The following EPHA3 variants were observed in gnomAD, a reference collection of about 807,000 sequenced individuals.
EPHA3 encodes EPH receptor A3, also known as ephrin type-A receptor 3.
Under a neutral mutation model 107.1 loss-of-function variants are expected in EPHA3, and 42 were observed. That is an observed-to-expected ratio of 0.39 (90% CI 0.31 to 0.51). The LOEUF is 0.51. EPHA3 is among the 20% of genes least tolerant of loss of function. EPHA3 has a pLI of 0.78. For synonymous variants in EPHA3, 461 were observed against 424.8 expected (o/e 1.09, Z -1.05); for missense variants, 1,183 against 1,211.2 (o/e 0.98, Z 0.35).
At chr3:89,472,793 C>G (rs1212480532) in intron 16 of EPHA3, among the ~76,000 whole-genome samples, 174 bp downstream of exon 16, 1 of 152,160 alleles carries the variant, frequency 6.6e-6, no homozygotes, top group Admixed American at 6.5e-5. Flanking sequence ...TTGTGGCCCA[C>G]AGCTTCTGGA....
chr3:89,303,115 T>C (rs1361707704), intron 3 of EPHA3, among the ~76,000 whole-genome samples: 1 of 152,078 alleles, frequency 6.6e-6, no homozygotes, highest in East Asian at 1.9e-4. Context: ...ATGTTGGTCT[T>C]GAGCTCCTAG....
intron 9 of EPHA3, among the ~76,000 whole-genome samples, chr3:89,411,857 G>T (rs543123522): frequency 1.3e-5 from 2 of 151,922 alleles, no homozygotes; most frequent in Non-Finnish European, 2.9e-5. Context: ...GTGTTCAATT[G>T]CAACTTTCCC....
At chr3:89,399,838 C>G in intron 7 of EPHA3, 1 of 1,088,588 alleles carries the variant, frequency 9.2e-7, no homozygotes, top group Non-Finnish European at 1.1e-6. Flanking sequence ...TTCAATGAAC[C>G]ACAAAAAAGA....
At chr3:89,168,755 G>A (rs1440396259) in intron 2 of EPHA3, among the ~76,000 whole-genome samples, 1 of 151,816 alleles carries the variant, frequency 6.6e-6, no homozygotes, top group East Asian at 1.9e-4. Flanking sequence ...CCTACCTGTT[G>A]AGTTCCTATT....
At chr3:89,244,005 C>A (rs769425611) in intron 3 of EPHA3, among the ~76,000 whole-genome samples, 14 of 152,076 alleles carry the variant, frequency 9.2e-5, no homozygotes, top group Non-Finnish European at 1.5e-5. Context: ...TTACTTCTGA[C>A]AATACTTATA....
intron 5 of EPHA3, among the ~76,000 whole-genome samples, chr3:89,376,383 T>C (rs1292418005): frequency 1.3e-5 from 2 of 151,728 alleles, no homozygotes; most frequent in East Asian, 3.9e-4. Flanking sequence ...ATATTTATAA[T>C]ATGTATACAT....
rs762621864 is a variant in EPHA3, at chr3:89,431,231, A to T, written c.2218A>T (p.Met740Leu). The T allele has an allele frequency of 3.1e-6, 5 of 1,613,810 alleles. No individual in the cohort carries two copies. The African/African-American group carries it at 6.7e-5, about 22-fold the overall frequency. Residue 740 changes from methionine to leucine, a missense_variant, in exon 13 of 17, where the codon ATG becomes TTG. Coordinates refer to ENST00000336596, the MANE Select transcript of EPHA3 (RefSeq NM_005233.6). ...IASGMKYLSD[M>L]GYVHRDLAAR... ...ATCTGGCATGAAGTACCTGTCAGAC[A>T]TGGGCTATGTTCACCGAGACCTCGC...
chr3:89,115,053 A>G (rs1327562759), intron 1 of EPHA3, among the ~76,000 whole-genome samples: 1 of 152,144 alleles, frequency 6.6e-6, no homozygotes, highest in Non-Finnish European at 1.5e-5. Flanking sequence ...AGCCAGGGGA[A>G]GGAGATATTC....
intron 15 of EPHA3, among the ~76,000 whole-genome samples, chr3:89,455,361 G>A (rs1190831842): frequency 6.6e-6 from 1 of 152,136 alleles, no homozygotes; most frequent in Non-Finnish European, 1.5e-5. Context: ...AAATGCAAAA[G>A]TCTTGAGATG....
chr3:89,470,009 T>G (rs1710368279), intron 15 of EPHA3, among the ~76,000 whole-genome samples: 1 of 151,958 alleles, frequency 6.6e-6, no homozygotes, highest in Admixed American at 6.6e-5. Context: ...TGAAAGATTC[T>G]GAAGAACTAA....
At chr3:89,257,858 T>C (rs554933468) in intron 3 of EPHA3, among the ~76,000 whole-genome samples, 42 of 151,934 alleles carry the variant, frequency 2.8e-4, no homozygotes, top group Non-Finnish European at 5.6e-4. Context: ...TAGATAAGCA[T>C]TATCAATGGA....
intron 3 of EPHA3, among the ~76,000 whole-genome samples, chr3:89,255,261 T>C (rs572095561): frequency 6.6e-6 from 1 of 152,276 alleles, no homozygotes; most frequent in South Asian, 2.1e-4. Context: ...TTGTCAGCAA[T>C]AGACCTTTTT....
At chr3:89,468,344 C>A (rs542691586) in intron 15 of EPHA3, among the ~76,000 whole-genome samples, 1 of 152,010 alleles carries the variant, frequency 6.6e-6, no homozygotes, top group Non-Finnish European at 1.5e-5. Flanking sequence ...ACGTCCTGTT[C>A]TATTTCAATT....
intron 3 of EPHA3, among the ~76,000 whole-genome samples, chr3:89,259,091 G>A (rs1485885585): frequency 6.6e-6 from 1 of 151,966 alleles, no homozygotes; most frequent in Non-Finnish European, 1.5e-5. Context: ...GAGTATGTGG[G>A]GATGCTGTAC....
Position 89,352,325 on chromosome 3 carries a change from T to C in EPHA3, c.1306+10235T>C, listed in dbSNP as rs138074306. Among the ~76,000 whole-genome samples the C allele has an allele frequency of 5.3e-4, 81 of 151,410 alleles. 1 individual carries two copies. Among genetic ancestry groups the C allele is most frequent in the African/African-American group, 1.9e-3 (78 of 41,498 alleles). ...ACTGGAAATCCAATAATTATTTTTG[T>C]TTTTAATTTATTTTTTGGCATTCTG... On this transcript the variant is annotated intron_variant, in intron 5 of 16. Coordinates refer to ENST00000336596, the MANE Select transcript of EPHA3 (RefSeq NM_005233.6).
At chr3:89,325,074 T>C (rs908715507) in intron 3 of EPHA3, among the ~76,000 whole-genome samples, 3 of 152,156 alleles carry the variant, frequency 2.0e-5, no homozygotes, top group African/African-American at 7.2e-5. Context: ...TGTGTATATG[T>C]ACTATATTTT....
intron 2 of EPHA3, among the ~76,000 whole-genome samples, chr3:89,167,880 A>T (rs7431914): frequency 5.2e-4 from 79 of 152,228 alleles, no homozygotes; most frequent in African/African-American, 1.8e-3. Context: ...AAAGGTGGGA[A>T]CAACACTTTC....
intron 3 of EPHA3, among the ~76,000 whole-genome samples, chr3:89,279,429 T>C (rs1277783824): frequency 6.6e-6 from 1 of 152,200 alleles, no homozygotes; most frequent in African/African-American, 2.4e-5. Flanking sequence ...CATTAATTAA[T>C]TTTAAATTTT....
At chr3:89,447,962 G>A (rs1454339008) in intron 13 of EPHA3, among the ~76,000 whole-genome samples, 1 of 152,128 alleles carries the variant, frequency 6.6e-6, no homozygotes, top group Non-Finnish European at 1.5e-5. Context: ...TGACGAACAC[G>A]GCTTAAGATT....
Sources: gnomAD v4.1 joint callset for allele counts (sites outside exome capture counted in the v4.1 genomes callset) on GRCh38, gnomAD v4.1.1 for gene constraint, MANE v1.5 for transcripts, NCBI Gene and HGNC (gene_info 2026-07-23, HGNC 2026-07-21) for gene names.